DOCK4: variants seen among roughly 807,000 people sequenced by gnomAD.
DOCK4 encodes the protein dedicator of cytokinesis 4, also known as dedicator of cytokinesis protein 4.
A neutral mutation model predicts 268.1 loss-of-function variants in DOCK4; 97 were observed. The ratio of observed to expected loss-of-function variants is 0.36; its 90% CI spans 0.31 to 0.43. The LOEUF (loss-of-function observed/expected upper bound fraction) is 0.43. Ranked by LOEUF, DOCK4 falls within the 20% of genes least tolerant of loss-of-function variation. DOCK4 has a pLI of 1.00. For missense variants in DOCK4, 2,145 were observed against 2,455.7 expected (o/e 0.87, Z 2.67); for synonymous variants, 954 against 887.2 (o/e 1.08, Z -1.34).
intron 1 of DOCK4, among the ~76,000 whole-genome samples, chr7:112,177,137 G>C (rs1475887682): frequency 2.0e-5 from 3 of 152,152 alleles, no homozygotes; most frequent in African/African-American, 4.8e-5. Flanking sequence ...TATGATCCTC[G>C]CAGAGTGGTG....
chr7:112,100,913 C>A (rs1392229188), intron 1 of DOCK4, among the ~76,000 whole-genome samples: 1 of 152,204 alleles, frequency 6.6e-6, no homozygotes, highest in East Asian at 1.9e-4. Context: ...TAAGCTCCAC[C>A]CTTAAAGAAT....
At chr7:112,201,366 T>G (rs1820919801) in intron 1 of DOCK4, among the ~76,000 whole-genome samples, 2 of 152,228 alleles carry the variant, frequency 1.3e-5, no homozygotes. Flanking sequence ...ATTTATTTTT[T>G]AAATGACACT....
chr7:112,141,031 A>G (rs1260162734), intron 1 of DOCK4, among the ~76,000 whole-genome samples: 1 of 152,082 alleles, frequency 6.6e-6, no homozygotes, highest in African/African-American at 2.4e-5. Context: ...ACTATTCTCA[A>G]CCCTGAATGA....
intron 49 of DOCK4, among the ~76,000 whole-genome samples, chr7:111,738,556 A>C (rs569058171): frequency 7.2e-5 from 11 of 152,364 alleles, no homozygotes; most frequent in East Asian, 1.9e-4. Flanking sequence ...AATGTTTAAG[A>C]AGCAGCAATG....
intron 8 of DOCK4, among the ~76,000 whole-genome samples, chr7:111,972,492 AT>A (rs201185043): frequency 5.0e-4 from 75 of 150,392 alleles, no homozygotes; most frequent in Admixed American, 3.0e-3. Context: ...TAAAGGAGGA[AT>A]TTTTTTTTTA....
chr7:111,801,274 C>T (rs181003121), intron 30 of DOCK4, among the ~76,000 whole-genome samples: 1 of 152,178 alleles, frequency 6.6e-6, no homozygotes, highest in Non-Finnish European at 1.5e-5. Context: ...AATCAAACAT[C>T]GCCTCCTTCA....
intron 1 of DOCK4, among the ~76,000 whole-genome samples, chr7:112,184,726 G>A: frequency 6.6e-6 from 1 of 151,990 alleles, no homozygotes; most frequent in East Asian, 1.9e-4. Flanking sequence ...CTTCTCAGTG[G>A]GCTTGTGAAG....
At chr7:111,785,891 T>C (rs924358565) in intron 32 of DOCK4, among the ~76,000 whole-genome samples, 1 of 152,152 alleles carries the variant, frequency 6.6e-6, no homozygotes, top group African/African-American at 2.4e-5. Context: ...AGACAAGCCA[T>C]GGCCCTGCAG....
At chr7:112,193,598 TA>T (rs564039337) in intron 1 of DOCK4, among the ~76,000 whole-genome samples, 2,898 of 132,070 alleles carry the variant, frequency 0.022, 33 homozygotes, top group Middle Eastern at 0.036. Context: ...GACCATGCCT[TA>T]AAAAAAAAAA....
At chr7:111,867,928 A>G (rs1308173515) in intron 22 of DOCK4, 56 bp downstream of exon 22, 4 of 1,397,756 alleles carry the variant, frequency 2.9e-6, no homozygotes, top group Non-Finnish European at 2.8e-6. Flanking sequence ...CTGTGTAAAA[A>G]TAAATAAACT....
chr7:112,071,960 T>G (rs941276393), intron 1 of DOCK4, among the ~76,000 whole-genome samples: 1 of 152,218 alleles, frequency 6.6e-6, no homozygotes, highest in African/African-American at 2.4e-5. Context: ...TAGTGAAATT[T>G]CTTGACTATC....
rs7784460 is a variant in DOCK4, at chr7:112,088,407, T to G, written c.38-84276A>C. ...GTATCTCCTATATAATTAATGGATT[T>G]TCTTATCCTCTTTTGGAAAACATGT... On this transcript the variant is annotated intron_variant, in intron 1 of 52. Transcript: ENST00000428084. 3.8e-3 allele frequency among the ~76,000 whole-genome samples: 573 copies of G among 152,296 alleles called. 3 individuals are homozygous for G. The highest frequency in any genetic ancestry group is 0.013 in the African/African-American group (539 of 41,570).
intron 28 of DOCK4, among the ~76,000 whole-genome samples, 181 bp downstream of exon 28, chr7:111,811,693 G>A (rs185449536): frequency 8.5e-5 from 13 of 152,122 alleles, no homozygotes; most frequent in East Asian, 5.8e-4. Flanking sequence ...CCTTTTAAGC[G>A]CTATGATCTC....
Position 111,755,603 on chromosome 7 carries a change from T to TACAAAAC in DOCK4, c.4330-9_4330-3dup. ...TGACGTTCTCTCCACCCAGAGACTC[T>TACAAAAC]ACAAAACACAAAACACATTAAGTCT... On this transcript the variant is annotated splice_polypyrimidine_tract_variant and splice_region_variant and intron_variant, in intron 41 of 52. Coordinates refer to ENST00000428084, the MANE Select transcript of DOCK4 (RefSeq NM_001363540.2). The TACAAAAC allele has an allele frequency of 1.9e-6, 3 of 1,613,822 alleles. No individual in the cohort carries two copies. The highest frequency in any genetic ancestry group is 2.2e-5 in the East Asian group (1 of 44,878).
chr7:112,190,144 G>A (rs1819820216), intron 1 of DOCK4, among the ~76,000 whole-genome samples: 2 of 151,990 alleles, frequency 1.3e-5, no homozygotes, highest in Non-Finnish European at 2.9e-5. Flanking sequence ...GCTGAGCTTT[G>A]GGCTTTCTCC....
intron 1 of DOCK4, among the ~76,000 whole-genome samples, chr7:112,157,928 T>C (rs933939569): frequency 6.6e-6 from 1 of 152,138 alleles, no homozygotes; most frequent in African/African-American, 2.4e-5. Flanking sequence ...TTGGCTATAG[T>C]GGAGAGGATG....
intron 37 of DOCK4, 91 bp from the exon 38 acceptor site, chr7:111,767,209 C>A: frequency 2.1e-6 from 2 of 951,496 alleles, no homozygotes; most frequent in Non-Finnish European, 3.3e-6. Flanking sequence ...TTCAGAGCAC[C>A]AAGCCTTACT....
chr7:111,855,726 G>A (rs568149830), intron 23 of DOCK4, among the ~76,000 whole-genome samples: 5 of 152,228 alleles, frequency 3.3e-5, no homozygotes, highest in Admixed American at 2.6e-4. Context: ...CATCACATAC[G>A]CTGCTGTACT....
intron 8 of DOCK4, among the ~76,000 whole-genome samples, chr7:111,954,917 C>T (rs563127463): frequency 1.3e-5 from 2 of 152,296 alleles, no homozygotes; most frequent in South Asian, 4.1e-4. Context: ...AAAGCCCAGG[C>T]CCCACCCTGG....
Sources: allele counts gnomAD v4.1 joint callset (sites outside exome capture counted in the v4.1 genomes callset), GRCh38; gene constraint gnomAD v4.1.1; transcripts MANE v1.5; gene names NCBI Gene and HGNC (gene_info 2026-07-23, HGNC 2026-07-21).